Variants in MYRFL observed in about 807,000 individuals in gnomAD.
MYRFL encodes the protein myelin regulatory factor-like protein.
MYRFL carries 88 observed loss-of-function variants against 109.4 expected under a neutral mutation model. The ratio of observed to expected loss-of-function variants is 0.80; its 90% confidence interval spans 0.68 to 0.96. MYRFL has a LOEUF of 0.96. Among genes scored for constraint, MYRFL ranks in the 40% least tolerant of loss-of-function variants. The pLI is 0.00. For missense variants in MYRFL, 957 were observed against 954.9 expected, an observed-to-expected ratio of 1.00 and a Z score of -0.03; for synonymous variants, 324 against 320.9, an observed-to-expected ratio of 1.01 and a Z score of -0.10.
At chr12:69,914,407 G>A (rs1203374023) in intron 13 of MYRFL, among the ~76,000 whole-genome samples, 2 of 152,140 alleles carry the variant, frequency 1.3e-5, no homozygotes, top group Non-Finnish European at 2.9e-5. Flanking sequence ...TTGGGAGTAT[G>A]TCAGCAAGCT....
chr12:69,882,948 G>T (rs912110209), intron 5 of MYRFL, among the ~76,000 whole-genome samples: 6 of 152,160 alleles, frequency 3.9e-5, no homozygotes, highest in Non-Finnish European at 7.3e-5. Context: ...TATTTTTCTT[G>T]ATTATGAAAC....
chr12:69,848,149 T>C (rs1053435214), intron 1 of MYRFL, among the ~76,000 whole-genome samples: 1 of 152,126 alleles, frequency 6.6e-6, no homozygotes, highest in Non-Finnish European at 1.5e-5. Flanking sequence ...GGTTTATTTC[T>C]GGACTTTATT....
intron 1 of MYRFL, among the ~76,000 whole-genome samples, chr12:69,843,139 G>C (rs1883340708): frequency 6.6e-6 from 1 of 152,172 alleles, no homozygotes; most frequent in Non-Finnish European, 1.5e-5. Flanking sequence ...AGTATTCTAA[G>C]CAAATGAGAG....
rs995322567 is a variant in MYRFL at position 69,855,386 on chromosome 12, A to T, written c.137+16A>T. The stretch of plus-strand genomic sequence containing the variant: ...TGGGGGCCTTGTAAGTAATGAGAGC[A>T]CTGCTCTCTAGTTGATGTTTAAAAT... On this transcript the variant is annotated intron_variant, in intron 2 of 24. Transcript: ENST00000552032. The T allele has an allele frequency of 1.4e-6, 1 of 702,344 alleles. No individual in the cohort carries two copies. The highest frequency in any genetic ancestry group is 2.7e-5 in the East Asian group (1 of 37,280). 43.5% of individuals were successfully genotyped at this position (702,344 alleles called of 1,614,324 possible). A position where few individuals can be genotyped will look rare whatever the true frequency, so the allele number is the denominator to read the frequency against.
chr12:69,913,017 G>A (rs1954621206), intron 13 of MYRFL, among the ~76,000 whole-genome samples: 2 of 151,896 alleles, frequency 1.3e-5, no homozygotes, highest in African/African-American at 4.8e-5. Context: ...GGTGTGAGGT[G>A]ATATCTCATT....
intron 5 of MYRFL, among the ~76,000 whole-genome samples, chr12:69,880,869 T>C (rs1484924422): frequency 6.6e-6 from 1 of 151,816 alleles, no homozygotes; most frequent in Non-Finnish European, 1.5e-5. Flanking sequence ...AATTGGCAAG[T>C]TCCCAGTGGA....
At chr12:69,873,581 TCTTAGGCTA>T (rs1885482877) in intron 2 of MYRFL, among the ~76,000 whole-genome samples, 1 of 152,200 alleles carries the variant, frequency 6.6e-6, no homozygotes, top group Non-Finnish European at 1.5e-5. Flanking sequence ...TCCGTCTTTG[TCTTAGGCTA>T]CTAAGACAAT....
intron 1 of MYRFL, among the ~76,000 whole-genome samples, chr12:69,845,834 A>G (rs991284493): frequency 6.6e-6 from 1 of 151,324 alleles, no homozygotes; most frequent in Non-Finnish European, 1.5e-5. Context: ...GGTTCTACAG[A>G]TGTGAATATT....
intron 13 of MYRFL, among the ~76,000 whole-genome samples, chr12:69,917,720 A>G (rs1954787219): frequency 6.6e-6 from 1 of 152,198 alleles, no homozygotes; most frequent in African/African-American, 2.4e-5. Context: ...TGATTAGTAC[A>G]GTATCTGATA....
intron 11 of MYRFL, among the ~76,000 whole-genome samples, chr12:69,909,044 T>C (rs990264842): frequency 2.6e-5 from 4 of 152,216 alleles, no homozygotes; most frequent in African/African-American, 9.6e-5. Flanking sequence ...GTTGGTTTGC[T>C]AAGGATAATG....
chr12:69,952,424 A>T (rs1781392792), intron 20 of MYRFL, among the ~76,000 whole-genome samples: 1 of 152,150 alleles, frequency 6.6e-6, no homozygotes, highest in Admixed American at 6.5e-5. Flanking sequence ...GAACTTCCTG[A>T]CCTCTTCTAT....
chr12:69,952,723 G>T, intron 20 of MYRFL, 76 bp from the exon 21 acceptor site: 1 of 1,007,828 alleles, frequency 9.9e-7, no homozygotes, highest in Non-Finnish European at 1.4e-6. Context: ...TGTAATTTGA[G>T]GACTGTGGCT....
chr12:69,905,593 A>C (rs1441502293), intron 11 of MYRFL, among the ~76,000 whole-genome samples: 5 of 152,242 alleles, frequency 3.3e-5, no homozygotes, highest in Non-Finnish European at 4.4e-5. Flanking sequence ...GTTGTCTGTG[A>C]ACAGGAAATG....
intron 1 of MYRFL, among the ~76,000 whole-genome samples, chr12:69,832,375 T>C (rs1400130205): frequency 1.3e-5 from 2 of 152,178 alleles, no homozygotes; most frequent in African/African-American, 2.4e-5. Context: ...GACTCTGTGA[T>C]GAATTAGCAG....
At chr12:69,952,247 T>C in intron 20 of MYRFL, 72 bp downstream of exon 20, 3 of 1,361,222 alleles carry the variant, frequency 2.2e-6, no homozygotes, top group South Asian at 1.2e-5. Context: ...TGTAAAAGCA[T>C]TGCTGGAGTG....
intron 8 of MYRFL, among the ~76,000 whole-genome samples, chr12:69,894,041 G>A (rs1300791832): frequency 7.8e-6 from 1 of 127,716 alleles, no homozygotes; most frequent in African/African-American, 2.9e-5. Context: ...TTGTTGCCCA[G>A]GTTGGAGTGC....
intron 1 of MYRFL, among the ~76,000 whole-genome samples, chr12:69,847,641 G>A (rs999943277): frequency 4.6e-5 from 7 of 151,318 alleles, no homozygotes; most frequent in Non-Finnish European, 5.9e-5. Flanking sequence ...TATTTACCTC[G>A]CTCTTCAAAT....
intron 19 of MYRFL, among the ~76,000 whole-genome samples, chr12:69,938,931 G>C (rs2087761): frequency 0.13 from 19,199 of 152,122 alleles, 1,822 homozygotes; most frequent in East Asian, 0.48. Flanking sequence ...AAGGGGTGAC[G>C]GATGGCACCT....
chr12:69,882,221 G>T (rs1886166399), intron 5 of MYRFL, among the ~76,000 whole-genome samples: 1 of 151,926 alleles, frequency 6.6e-6, no homozygotes, highest in South Asian at 2.1e-4. Context: ...CTATTCACAG[G>T]TCACTGAAAA....
Sources: allele counts gnomAD v4.1 joint callset (sites outside exome capture counted in the v4.1 genomes callset), GRCh38; gene constraint gnomAD v4.1.1; transcripts MANE v1.5; gene names NCBI Gene and HGNC (gene_info 2026-07-23, HGNC 2026-07-21).